Variants in TMPRSS15 observed in about 807,000 individuals in gnomAD.
TMPRSS15 encodes the protein transmembrane serine protease 15.
A neutral mutation model predicts 125.3 loss-of-function variants in TMPRSS15; 128 were observed. The observed-to-expected ratio is 1.02, with a 90% confidence interval of 0.89 to 1.18. TMPRSS15 has a LOEUF of 1.18. Among genes scored for constraint, TMPRSS15 ranks in the 50% most tolerant of loss-of-function variants. The pLI is 0.00. For synonymous variants in TMPRSS15, 446 were observed against 423.2 expected (o/e 1.05, Z -0.66); for missense variants, 1,283 against 1,212.7 (o/e 1.06, Z -0.86).
chr21:18,308,516 A>G (rs2075061013), intron 18 of TMPRSS15, among the ~76,000 whole-genome samples: 1 of 152,196 alleles, frequency 6.6e-6, no homozygotes, highest in Admixed American at 6.5e-5. Flanking sequence ...AAGAAATCAC[A>G]AAAGAATGTG....
At position 18,313,593 on chromosome 21, in the gene TMPRSS15, G is replaced by T. The variant is rs550210624; in HGVS notation, c.2033-516C>A. Among the ~76,000 whole-genome samples the T allele has an allele frequency of 5.3e-5, 8 of 151,748 alleles. No individual in the cohort carries two copies. The South Asian group carries it at 1.5e-3, about 28-fold the overall frequency. ...CCTAAATTGATAGGAGTAAATTATG[G>T]CCTCTAAACTAAATGTGCAATGTTC... is the stretch of plus-strand genomic sequence containing the variant. On this transcript the variant is annotated intron_variant, in intron 17 of 24. Coordinates refer to ENST00000284885, the MANE Select transcript of TMPRSS15 (RefSeq NM_002772.3).
At chr21:18,288,523 TCTTC>T (rs1298770631) in intron 21 of TMPRSS15, among the ~76,000 whole-genome samples, 4 of 139,844 alleles carry the variant, frequency 2.9e-5, no homozygotes, top group African/African-American at 1.0e-4. Context: ...AAGAAAATGC[TCTTC>T]CTTTTTTTTT....
intron 1 of TMPRSS15, among the ~76,000 whole-genome samples, chr21:18,478,995 T>A (rs1297570539): frequency 1.3e-5 from 2 of 151,950 alleles, no homozygotes; most frequent in African/African-American, 4.8e-5. Context: ...CAGATTTCTT[T>A]TGGATTTTGG....
chr21:18,343,364 A>C, intron 12 of TMPRSS15, 142 bp downstream of exon 12: 7 of 743,458 alleles, frequency 9.4e-6, no homozygotes, highest in Non-Finnish European at 1.5e-5. Context: ...CTCCAAGGTA[A>C]AATGTGAGGT....
At chr21:18,440,372 CAAAAAAAA>C (rs539968323) in intron 1 of TMPRSS15, among the ~76,000 whole-genome samples, 1 of 47,430 alleles carries the variant, frequency 2.1e-5, no homozygotes, top group East Asian at 8.6e-4. Flanking sequence ...AACTCCGTCT[CAAAAAAAA>C]AAAAAAAAAG....
rs146279214 is a variant in TMPRSS15, at chr21:18,327,748, C to T, written c.1781-1176G>A. The stretch of plus-strand genomic sequence containing the variant: ...AACACTTTTTTTGTGTGTGGGAGGG[C>T]GATAAAACACTTTTTAGTTGTGCCA... On this transcript the variant is annotated intron_variant, in intron 15 of 24. Coordinates refer to ENST00000284885, the MANE Select transcript of TMPRSS15 (RefSeq NM_002772.3). 1.9e-3 allele frequency among the ~76,000 whole-genome samples: 285 copies of T among 151,966 alleles called. 2 individuals are homozygous for T. The East Asian group carries it at 0.03, about 16-fold the overall frequency.
At chr21:18,424,799 A>G (rs897881559) in intron 1 of TMPRSS15, among the ~76,000 whole-genome samples, 2 of 150,710 alleles carry the variant, frequency 1.3e-5, no homozygotes, top group Admixed American at 6.6e-5. Context: ...AACAACTAGT[A>G]AGTTATATGC....
At chr21:18,292,190 G>T (rs752666449) in intron 21 of TMPRSS15, among the ~76,000 whole-genome samples, 1 of 152,162 alleles carries the variant, frequency 6.6e-6, no homozygotes, top group Admixed American at 6.5e-5. Flanking sequence ...AATAAATTTT[G>T]TCAAGGTTAC....
At chr21:18,353,305 T>C (rs568033933) in intron 9 of TMPRSS15, among the ~76,000 whole-genome samples, 1 of 151,864 alleles carries the variant, frequency 6.6e-6, no homozygotes, top group African/African-American at 2.4e-5. Flanking sequence ...AAGTTTCTCA[T>C]TTTTTAAGTT....
chr21:18,427,398 G>T (rs960073748), intron 1 of TMPRSS15, among the ~76,000 whole-genome samples: 1 of 152,176 alleles, frequency 6.6e-6, no homozygotes. Context: ...GGGAATAAAA[G>T]TCAACATGCT....
At chr21:18,300,041 G>A (rs1286191838) in intron 18 of TMPRSS15, among the ~76,000 whole-genome samples, 1 of 152,118 alleles carries the variant, frequency 6.6e-6, no homozygotes, top group African/African-American at 2.4e-5. Context: ...TCTAAATGAG[G>A]AAACCTTTTG....
chr21:18,340,400 A>G (rs922689253), intron 13 of TMPRSS15, among the ~76,000 whole-genome samples: 1 of 152,144 alleles, frequency 6.6e-6, no homozygotes, highest in African/African-American at 2.4e-5. Flanking sequence ...CACAGACTGA[A>G]GGCTGCACAA....
intron 3 of TMPRSS15, among the ~76,000 whole-genome samples, chr21:18,397,207 T>C (rs1350378472): frequency 6.6e-6 from 1 of 152,182 alleles, no homozygotes; most frequent in East Asian, 1.9e-4. Context: ...TAGAAAACTT[T>C]AGGTTCAGAG....
chr21:18,317,910 A>G (rs1301287268), intron 16 of TMPRSS15, among the ~76,000 whole-genome samples: 1 of 128,912 alleles, frequency 7.8e-6, no homozygotes, highest in Non-Finnish European at 1.6e-5. Flanking sequence ...ATCCCATCCT[A>G]TCCCAACCCA....
At chr21:18,319,189 CA>C (rs1245139071) in intron 16 of TMPRSS15, among the ~76,000 whole-genome samples, 2 of 151,938 alleles carry the variant, frequency 1.3e-5, no homozygotes, top group Non-Finnish European at 2.9e-5. Context: ...GTTGAAGGTG[CA>C]ATTTAGCCAT....
At chr21:18,305,183 C>CTTTTTTTTTTTTTTTTTTTTTT (rs59103494) in intron 18 of TMPRSS15, among the ~76,000 whole-genome samples, 4 of 86,054 alleles carry the variant, frequency 4.6e-5, no homozygotes, top group African/African-American at 1.3e-4. Flanking sequence ...AATTTCCGTA[C>CTTTTTTTTTTTTTTTTTTTTTT]TTTTTTTTTT....
chr21:18,321,349 CTTTTTTTT>C (rs751011766), intron 16 of TMPRSS15, among the ~76,000 whole-genome samples: 2 of 100,596 alleles, frequency 2.0e-5, no homozygotes, highest in African/African-American at 4.1e-5. Flanking sequence ...TTTTTTCCTT[CTTTTTTTT>C]TTTTTTTTTT....
At chr21:18,314,074 C>T (rs2075131690) in intron 17 of TMPRSS15, among the ~76,000 whole-genome samples, 1 of 152,010 alleles carries the variant, frequency 6.6e-6, no homozygotes, top group Middle Eastern at 3.2e-3. Flanking sequence ...TGTAGTCTTA[C>T]CTACAAACAC....
chr21:18,283,434 A>T (rs1043498057), intron 21 of TMPRSS15, among the ~76,000 whole-genome samples: 3 of 152,094 alleles, frequency 2.0e-5, no homozygotes, highest in African/African-American at 7.2e-5. Context: ...TACAATTACT[A>T]TACCGTATGT....
Sources: gnomAD v4.1 joint callset for allele counts (sites outside exome capture counted in the v4.1 genomes callset) on GRCh38, gnomAD v4.1.1 for gene constraint, MANE v1.5 for transcripts, NCBI Gene and HGNC (gene_info 2026-07-23, HGNC 2026-07-21) for gene names.